Variants in GABPB2 observed in about 807,000 individuals in gnomAD.
GABPB2 encodes the protein GA-binding protein subunit beta-2.
A neutral mutation model predicts 39.1 loss-of-function variants in GABPB2; 23 were observed. The ratio of observed to expected loss-of-function variants is 0.59; its 90% CI spans 0.42 to 0.83. GABPB2 has a LOEUF of 0.83. GABPB2 is among the 40% of genes least tolerant of loss of function. The pLI, the probability that GABPB2 is intolerant of heterozygous loss-of-function variation, is 0.00. For missense variants in GABPB2, 467 were observed against 541.1 expected (o/e 0.86, Z 1.36); for synonymous variants, 184 against 199.3 (o/e 0.92, Z 0.65).
intron 5 of GABPB2, among the ~76,000 whole-genome samples, chr1:151,102,979 T>G (rs1317994359): frequency 6.6e-6 from 1 of 151,234 alleles, no homozygotes; most frequent in Admixed American, 6.6e-5. Flanking sequence ...CTACTAATGC[T>G]CAGCACTGGC....
chr1:151,119,169 A>G lies in GABPB2; in HGVS notation c.*913A>G, dbSNP rs1331807455. The G allele has an allele frequency of 6.6e-6, 1 of 152,212 alleles. No individual in the cohort carries two copies. The highest frequency in any genetic ancestry group is 6.5e-5 in the Admixed American group (1 of 15,278). 9.4% of individuals were successfully genotyped at this position (152,212 alleles called of 1,614,324 possible). On this transcript the variant is annotated 3_prime_UTR_variant, in exon 9 of 9. Coordinates refer to ENST00000368918, the MANE Select transcript of GABPB2 (RefSeq NM_144618.3). ...CAAAAAATTTAAAAATTAGCCAAGT[A>G]TGGTGACAGGCACCTATGGTTCCAG...
At chr1:151,102,640 C>T (rs1042687696) in intron 5 of GABPB2, among the ~76,000 whole-genome samples, 1 of 152,100 alleles carries the variant, frequency 6.6e-6, no homozygotes, top group African/African-American at 2.4e-5. Context: ...CAGGGTTTCA[C>T]CTTGTTGGCC....
intron 1 of GABPB2, among the ~76,000 whole-genome samples, chr1:151,085,983 C>A (rs587762821): frequency 6.6e-6 from 1 of 152,010 alleles, no homozygotes; most frequent in African/African-American, 2.4e-5. Context: ...TGGTGGCTCA[C>A]GCCTGTAATC....
In GABPB2 at chr1:151,089,824, G is replaced by A. The variant is rs184708377; in HGVS notation, c.109-582G>A. Among the ~76,000 whole-genome samples, 41 of 151,762 alleles carry A rather than the reference G, an allele frequency of 2.7e-4. No homozygotes were observed. In the East Asian group the frequency reaches 5.4e-3, roughly 20 times the overall value. On this transcript the variant is annotated intron_variant, in intron 2 of 8. Transcript: ENST00000368918. ...TTTTGTTTGTTTTAACCTTCTAGAC[G>A]TTGCGTAAAGTCACGTCCTTTAGGG... is the stretch of plus-strand genomic sequence containing the variant.
intron 7 of GABPB2, among the ~76,000 whole-genome samples, chr1:151,107,596 G>A (rs1423012398): frequency 6.6e-6 from 1 of 151,646 alleles, no homozygotes; most frequent in African/African-American, 2.4e-5. Flanking sequence ...CCGCCTCCTG[G>A]GTTCACGCAC....
In GABPB2 at chr1:151,088,289, A is replaced by G. The variant is rs1485121011; in HGVS notation, c.100A>G (p.Thr34Ala). ...GATGGCAAATGGCGCCCCATTCACC[A>G]CAGACTGGGTAAGCTTAGAGGAGAG... Reference protein sequence around the residue: ...TLMANGAPFTTDWLGTSPLHL... With the variant: ...TLMANGAPFTADWLGTSPLHL... The change falls in exon 2 of 9, where the codon ACA becomes GCA. Residue 34 changes from threonine (T) to alanine (A), a missense_variant. By Grantham distance (58) the Thr-to-Ala change is moderately conservative. Coordinates refer to ENST00000368918, the MANE Select transcript of GABPB2 (RefSeq NM_144618.3). The G allele has an allele frequency of 5.6e-6, 9 of 1,611,848 alleles. No homozygotes were observed. In the East Asian group the frequency reaches 1.8e-4, roughly 32 times the overall value.
intron 2 of GABPB2, among the ~76,000 whole-genome samples, chr1:151,089,838 C>A (rs1678516379): frequency 6.6e-6 from 1 of 151,842 alleles, no homozygotes; most frequent in South Asian, 2.1e-4. Context: ...CGTAAAGTCA[C>A]GTCCTTTAGG....
At chr1:151,071,263 TGAGTTTGGCC>T (rs1008151765) in intron 1 of GABPB2, among the ~76,000 whole-genome samples, 1 of 152,180 alleles carries the variant, frequency 6.6e-6, no homozygotes. Context: ...TCGCCGAGGC[TGAGTTTGGCC>T]CCCTGCCCCA....
intron 1 of GABPB2, among the ~76,000 whole-genome samples, chr1:151,083,590 C>A (rs931971034): frequency 1.3e-5 from 2 of 151,586 alleles, no homozygotes; most frequent in African/African-American, 4.9e-5. Context: ...GCCGTCATCT[C>A]GCCACTGCAC....
intron 7 of GABPB2, among the ~76,000 whole-genome samples, chr1:151,110,676 G>T (rs1490558339): frequency 6.6e-6 from 1 of 151,892 alleles, no homozygotes; most frequent in South Asian, 2.1e-4. Context: ...ACCCAGCCTG[G>T]CCTCAAACTC....
chr1:151,078,968 G>T (rs889159131), intron 1 of GABPB2, among the ~76,000 whole-genome samples: 1 of 151,910 alleles, frequency 6.6e-6, no homozygotes, highest in Non-Finnish European at 1.5e-5. Context: ...CACTGTGCCT[G>T]GCTACATTTT....
At position 151,093,242 on chromosome 1, in the gene GABPB2, T is replaced by G. The variant is rs778570740; in HGVS notation, c.327T>G (p.His109Gln). 6.2e-7 allele frequency: 1 copy of G among 1,609,902 alleles called. No homozygotes were observed. Among genetic ancestry groups the G allele is most frequent in the Admixed American group, 1.7e-5 (1 of 59,084 alleles). Residue 109 changes from histidine to glutamine, a missense_variant, in exon 4 of 9, where the codon CAT becomes CAG. Coordinates refer to ENST00000368918, the MANE Select transcript of GABPB2 (RefSeq NM_144618.3). ...ACATGCTGAAGATGACAGCTTTGCA[T>G]TGGGCCACAGAGCGCCACCATCGAG... ...AKDMLKMTAL[H>Q]WATERHHRDV... is the part of the protein sequence containing the mutation.
chr1:151,076,916 C>T (rs1677216355), intron 1 of GABPB2, among the ~76,000 whole-genome samples: 1 of 151,614 alleles, frequency 6.6e-6, no homozygotes, highest in African/African-American at 2.4e-5. Context: ...GCCTCAGCCT[C>T]CCGAGTAGCT....
chr1:151,115,991 T>G (rs920175612), intron 7 of GABPB2, among the ~76,000 whole-genome samples: 1 of 152,046 alleles, frequency 6.6e-6, no homozygotes, highest in Non-Finnish European at 1.5e-5. Flanking sequence ...TAGTCCCAGC[T>G]ACTCAGGAGG....
rs1045351149 is a variant in GABPB2 at position 151,120,154 on chromosome 1, G to C, written c.*1898G>C. ...GAGGTCAGGAGTTCAAGACCAGCCT[G>C]GCCGAGATGGTGAAACCCTACTAAA... On this transcript the variant is annotated 3_prime_UTR_variant, in exon 9 of 9. Transcript: ENST00000368918. The C allele has an allele frequency of 2.6e-5, 4 of 152,012 alleles. No individual in the cohort carries two copies. Among genetic ancestry groups the C allele is most frequent in the South Asian group, 2.1e-4 (1 of 4,818 alleles). 9.4% of individuals were successfully genotyped at this position (152,012 alleles called of 1,614,324 possible). A position where few individuals can be genotyped will look rare whatever the true frequency, so the allele number is the denominator to read the frequency against.
At chr1:151,075,179 G>A (rs1677060015) in intron 1 of GABPB2, among the ~76,000 whole-genome samples, 1 of 152,004 alleles carries the variant, frequency 6.6e-6, no homozygotes, top group Non-Finnish European at 1.5e-5. Context: ...GCTCATGCCT[G>A]TAATCCCAGC....
At chr1:151,080,215 CAAA>C (rs57351502) in intron 1 of GABPB2, among the ~76,000 whole-genome samples, 4 of 30,018 alleles carry the variant, frequency 1.3e-4, no homozygotes, top group South Asian at 2.9e-3. Context: ...AACTCCATCT[CAAA>C]AAAAAAAAAA....
At chr1:151,089,813 A>G (rs1678513327) in intron 2 of GABPB2, among the ~76,000 whole-genome samples, 1 of 151,768 alleles carries the variant, frequency 6.6e-6, no homozygotes, top group Non-Finnish European at 1.5e-5. Flanking sequence ...GTTTGTTTTA[A>G]CCTTCTAGAC....
Position 151,124,495 on chromosome 1 carries a change from A to C in GABPB2, c.*6239A>C, listed in dbSNP as rs1432820484. 6.7e-6 allele frequency: 1 copy of C among 150,224 alleles called. No individual in the cohort carries two copies. The highest frequency in any genetic ancestry group is 1.5e-5 in the Non-Finnish European group (1 of 67,728). 9.3% of individuals were successfully genotyped at this position (150,224 alleles called of 1,614,324 possible). On this transcript the variant is annotated 3_prime_UTR_variant, in exon 9 of 9. Coordinates refer to ENST00000368918, the MANE Select transcript of GABPB2 (RefSeq NM_144618.3). ...CCAGTATGATGATGACCATTTTAAG[A>C]AAGCTTGTGTGGCTCTCTCCTATCA...
Sources: allele counts gnomAD v4.1 joint callset (sites outside exome capture counted in the v4.1 genomes callset), GRCh38; gene constraint gnomAD v4.1.1; transcripts MANE v1.5; gene names NCBI Gene and HGNC (gene_info 2026-07-23, HGNC 2026-07-21).